ZBTB20: variants seen among roughly 807,000 people sequenced by gnomAD.
The protein encoded by ZBTB20 is zinc finger and BTB domain containing 20.
Under a neutral mutation model 56.9 loss-of-function variants are expected in ZBTB20, and 9 were observed. The observed-to-expected ratio is 0.16, with a 90% CI of 0.10 to 0.28. The LOEUF (loss-of-function observed/expected upper bound fraction) is 0.28, where lower values mean the gene tolerates loss of function less well. Ranked by LOEUF, ZBTB20 falls within the 10% of genes least tolerant of loss-of-function variation. The pLI, the probability that ZBTB20 is intolerant of heterozygous loss-of-function variation, is 1.00. For missense variants in ZBTB20, 655 were observed against 1,003.0 expected, an observed-to-expected ratio of 0.65 and a Z score of 4.69; for synonymous variants, 417 against 420.7, an observed-to-expected ratio of 0.99 and a Z score of 0.11.
At chr3:114,550,707 T>C (rs1426290142) in intron 6 of ZBTB20, among the ~76,000 whole-genome samples, 1 of 152,194 alleles carries the variant, frequency 6.6e-6, no homozygotes, top group Non-Finnish European at 1.5e-5. Flanking sequence ...TTGCTCTACT[T>C]TTAAAAACTC....
At chr3:114,582,949 G>A (rs1294049547) in intron 6 of ZBTB20, among the ~76,000 whole-genome samples, 1 of 152,204 alleles carries the variant, frequency 6.6e-6, no homozygotes, top group Non-Finnish European at 1.5e-5. Flanking sequence ...ATATATTGTT[G>A]ATATAGACAG....
intron 1 of ZBTB20, among the ~76,000 whole-genome samples, chr3:115,133,422 A>G (rs2084566047): frequency 6.6e-6 from 1 of 152,194 alleles, no homozygotes; most frequent in African/African-American, 2.4e-5. Flanking sequence ...TAACTGTATT[A>G]AAGTATATAA....
At chr3:114,857,078 T>A (rs1216128195) in intron 4 of ZBTB20, among the ~76,000 whole-genome samples, 2 of 152,190 alleles carry the variant, frequency 1.3e-5, no homozygotes, top group East Asian at 3.8e-4. Flanking sequence ...TTCCTGATTC[T>A]TTTCTCATAC....
chr3:114,729,389 CTT>C (rs2065555114), intron 5 of ZBTB20, among the ~76,000 whole-genome samples: 1 of 152,188 alleles, frequency 6.6e-6, no homozygotes, highest in African/African-American at 2.4e-5. Flanking sequence ...TAGATCGAGA[CTT>C]TGAAACTTCT....
At position 114,545,115 on chromosome 3, in the gene ZBTB20, C is replaced by T. The variant is rs77594971; in HGVS notation, c.-294-44724G>A. On this transcript the variant is annotated intron_variant, in intron 6 of 11. Transcript: ENST00000675478. ...GAGCATCATCTCTGTATATGAAGGA[C>T]GGAAAACCCGCTTTGGATATGTATG... Among the ~76,000 whole-genome samples the T allele has an allele frequency of 7.1e-3, 1,075 of 152,236 alleles. 12 individuals carry two copies. Among genetic ancestry groups the T allele is most frequent in the African/African-American group, 0.025 (1,025 of 41,536 alleles).
chr3:115,016,860 C>T (rs1458876115), intron 2 of ZBTB20, among the ~76,000 whole-genome samples: 1 of 151,418 alleles, frequency 6.6e-6, no homozygotes, highest in African/African-American at 2.4e-5. Context: ...TCTCAATAAA[C>T]TAGGTATTGA....
intron 11 of ZBTB20, among the ~76,000 whole-genome samples, chr3:114,345,021 T>C (rs1372405985): frequency 1.3e-5 from 2 of 152,030 alleles, no homozygotes; most frequent in African/African-American, 4.8e-5. Context: ...ATGTGTACAA[T>C]ATATTCTATA....
intron 4 of ZBTB20, among the ~76,000 whole-genome samples, chr3:114,879,776 CTTGT>C (rs1189372366): frequency 6.6e-6 from 1 of 152,026 alleles, no homozygotes; most frequent in Non-Finnish European, 1.5e-5. Context: ...TAAATTCTGC[CTTGT>C]TTGTTTCTAA....
intron 7 of ZBTB20, among the ~76,000 whole-genome samples, chr3:114,441,504 C>T (rs1326508264): frequency 1.3e-5 from 2 of 152,258 alleles, no homozygotes; most frequent in African/African-American, 2.4e-5. Flanking sequence ...TTAAGACCCA[C>T]TGCACTACGA....
chr3:114,614,779 T>A (rs2057807614), intron 6 of ZBTB20, among the ~76,000 whole-genome samples: 1 of 151,882 alleles, frequency 6.6e-6, no homozygotes, highest in Admixed American at 6.6e-5. Flanking sequence ...TGAGACGGAG[T>A]CTTGCTCGGT....
At chr3:114,762,314 G>A (rs74913265) in intron 5 of ZBTB20, among the ~76,000 whole-genome samples, 5,209 of 152,236 alleles carry the variant, frequency 0.034, 142 homozygotes, top group African/African-American at 0.07. Flanking sequence ...ATAATCCCAT[G>A]CTGCTAACTT....
At chr3:114,496,227 T>C (rs1256051193) in intron 7 of ZBTB20, among the ~76,000 whole-genome samples, 2 of 152,178 alleles carry the variant, frequency 1.3e-5, no homozygotes, top group African/African-American at 2.4e-5. Context: ...CTCTGAAACA[T>C]GGGGCCCGGC....
chr3:114,554,985 A>C (rs1374493596), intron 6 of ZBTB20, among the ~76,000 whole-genome samples: 1 of 152,144 alleles, frequency 6.6e-6, no homozygotes, highest in Non-Finnish European at 1.5e-5. Flanking sequence ...AGTCAGCATC[A>C]ATTTAGGAGT....
chr3:114,627,952 A>T (rs912334427), intron 6 of ZBTB20, among the ~76,000 whole-genome samples: 3 of 152,146 alleles, frequency 2.0e-5, no homozygotes, highest in Non-Finnish European at 2.9e-5. Flanking sequence ...GAGTTGGGAA[A>T]TGTTTTTGGC....
chr3:114,857,238 C>G (rs1245257183), intron 4 of ZBTB20, among the ~76,000 whole-genome samples: 2 of 152,108 alleles, frequency 1.3e-5, no homozygotes, highest in East Asian at 3.9e-4. Context: ...GCTTTGAGAT[C>G]ACGTCTTCAT....
chr3:114,794,129 C>T (rs7631715), intron 5 of ZBTB20, among the ~76,000 whole-genome samples: 19,502 of 151,700 alleles, frequency 0.13, 1,552 homozygotes, highest in African/African-American at 0.22. Flanking sequence ...ATTTTAGATG[C>T]TACTTAATCG....
chr3:114,548,056 G>A (rs1422191414), intron 6 of ZBTB20, among the ~76,000 whole-genome samples: 1 of 152,172 alleles, frequency 6.6e-6, no homozygotes, highest in Non-Finnish European at 1.5e-5. Context: ...TGAATAAGAT[G>A]GCTTTTGGTT....
rs898478897 is a variant in ZBTB20 at position 114,339,533 on chromosome 3, TA to T, written c.1805-108del. ...CAACAAAAAAGAAAAATAAAACAAT[TA>T]AAAAATAAAATTTGATTGCTTAATG... is the stretch of plus-strand genomic sequence containing the variant. On this transcript the variant is annotated intron_variant, in intron 11 of 11. Coordinates refer to ENST00000675478, the MANE Select transcript of ZBTB20 (RefSeq NM_001348800.3). The surrounding 1 kb of genome is among the most constrained non-coding windows in gnomAD (Gnocchi z 4.2). 2 of 1,275,716 alleles carry T rather than the reference TA, an allele frequency of 1.6e-6. No individual in the cohort carries two copies. The highest frequency in any genetic ancestry group is 2.1e-6 in the Non-Finnish European group (2 of 952,002). 79.0% of individuals were successfully genotyped at this position (1,275,716 alleles called of 1,614,324 possible). A position where few individuals can be genotyped will look rare whatever the true frequency, so the allele number is the denominator to read the frequency against.
chr3:114,898,507 C>T (rs1187627936), intron 4 of ZBTB20, among the ~76,000 whole-genome samples: 1 of 152,018 alleles, frequency 6.6e-6, no homozygotes, highest in Non-Finnish European at 1.5e-5. Flanking sequence ...GAACTAAAGG[C>T]CATCAAGACT....
Sources: gnomAD v4.1 joint callset for allele counts (sites outside exome capture counted in the v4.1 genomes callset) on GRCh38, gnomAD v4.1.1 for gene constraint, Gnocchi (gnomAD v3.1) non-coding constraint, MANE v1.5 for transcripts, NCBI Gene and HGNC (gene_info 2026-07-23, HGNC 2026-07-21) for gene names.